Variants in WDR25 observed in about 807,000 individuals in gnomAD.
WDR25 encodes the protein WD repeat domain 25, also known as WD repeat-containing protein 25.
Under a neutral mutation model 47.7 loss-of-function variants are expected in WDR25, and 35 were observed. That is an observed-to-expected ratio of 0.73 (90% CI 0.56 to 0.97). The LOEUF is 0.97. Ranked by LOEUF, WDR25 falls within the 50% of genes least tolerant of loss-of-function variation. The pLI is 0.00. For missense variants in WDR25, 634 were observed against 704.7 expected (o/e 0.90, Z 1.14); for synonymous variants, 248 against 278.9 (o/e 0.89, Z 1.10).
chr14:100,513,605 T>G (rs1402050875), intron 4 of WDR25, among the ~76,000 whole-genome samples: 1 of 152,240 alleles, frequency 6.6e-6, no homozygotes, highest in Non-Finnish European at 1.5e-5. Context: ...TGCATTTATT[T>G]TGAAGTTGTT....
In WDR25 at chr14:100,510,283, AT is replaced by A. The variant is rs930405563; in HGVS notation, c.1102-15585del. Among the ~76,000 whole-genome samples the A allele has an allele frequency of 3.6e-5, 5 of 140,002 alleles. No individual in the cohort carries two copies. In the South Asian group the frequency reaches 9.0e-4, roughly 25 times the overall value. 91.8% of individuals were successfully genotyped at this position (140,002 alleles called of 152,430 possible). On this transcript the variant is annotated intron_variant, in intron 4 of 6. Transcript: ENST00000402312. ...AGACTCCATGTCAAAAAAAAAAAAAATTAATTTTTAGAGACAAGGGTTTCAC... is the reference window on the plus strand; with the variant it reads ...AGACTCCATGTCAAAAAAAAAAAAAATAATTTTTAGAGACAAGGGTTTCAC...
chr14:100,490,133 G>C (rs1900514833), intron 4 of WDR25, among the ~76,000 whole-genome samples: 1 of 152,174 alleles, frequency 6.6e-6, no homozygotes, highest in African/African-American at 2.4e-5. Flanking sequence ...TCACCCTTGG[G>C]CCTGTGTGGG....
At chr14:100,472,821 C>A (rs912944493) in intron 3 of WDR25, among the ~76,000 whole-genome samples, 7 of 152,200 alleles carry the variant, frequency 4.6e-5, no homozygotes, top group Admixed American at 4.6e-4. Flanking sequence ...ATACAGACCC[C>A]CAGCCTGCCC....
At position 100,529,347 on chromosome 14, in the gene WDR25, A is replaced by ATGTGGC; in HGVS notation, c.1413+141_1413+146dup. ...TCTGTTTCCTGGGTGAGCGCATGCC[A>ATGTGGC]TGTGGCTCACTGTCTCTTCAAGTCC... On this transcript the variant is annotated intron_variant, in intron 6 of 6. Coordinates refer to ENST00000402312, the MANE Select transcript of WDR25 (RefSeq NM_001161476.3). This position sits in a 1 kb window ranked among gnomAD's most constrained non-coding sequence, Gnocchi z 5.1. The ATGTGGC allele has an allele frequency of 7.6e-7, 1 of 1,314,250 alleles. No homozygotes were observed. The highest frequency in any genetic ancestry group is 1.0e-6 in the Non-Finnish European group (1 of 958,900). 81.4% of individuals were successfully genotyped at this position (1,314,250 alleles called of 1,614,324 possible).
rs1019717628 is a variant in WDR25, at chr14:100,529,768, C to T, written c.1414-52C>T. 22 of 1,573,356 alleles carry T rather than the reference C, an allele frequency of 1.4e-5. No homozygotes were observed. Among genetic ancestry groups the T allele is most frequent in the Admixed American group, 3.4e-5 (2 of 58,218 alleles). On this transcript the variant is annotated intron_variant, in intron 6 of 6. Coordinates refer to ENST00000402312, the MANE Select transcript of WDR25 (RefSeq NM_001161476.3). This position sits in a 1 kb window ranked among gnomAD's most constrained non-coding sequence, Gnocchi z 5.1. The stretch of plus-strand genomic sequence containing the variant: ...TGCTCCTCTGTAGAATGGGCATACT[C>T]ACCCCGGCTTGACAGGTGCGGCTTG...
At chr14:100,411,243 G>T (rs760448124) in intron 2 of WDR25, among the ~76,000 whole-genome samples, 1 of 152,138 alleles carries the variant, frequency 6.6e-6, no homozygotes, top group Non-Finnish European at 1.5e-5. Flanking sequence ...GCTCTGTGAT[G>T]CTGGGCAAGC....
intron 1 of WDR25, 48 bp from the exon 2 acceptor site, chr14:100,380,862 A>G (rs1457123578): frequency 2.0e-6 from 3 of 1,510,100 alleles, no homozygotes; most frequent in East Asian, 2.3e-5. Context: ...AACTACATAC[A>G]TATTCTTCCA....
At chr14:100,415,668 G>A (rs1416884578) in intron 2 of WDR25, among the ~76,000 whole-genome samples, 1 of 152,204 alleles carries the variant, frequency 6.6e-6, no homozygotes, top group Non-Finnish European at 1.5e-5. Context: ...TCTCTGTAAT[G>A]CATCCCACTG....
intron 4 of WDR25, among the ~76,000 whole-genome samples, chr14:100,486,205 T>C (rs1253866815): frequency 6.6e-6 from 1 of 152,182 alleles, no homozygotes; most frequent in Admixed American, 6.5e-5. Context: ...ACCACGTCCC[T>C]TATGGGTGCG....
chr14:100,460,538 G>A (rs1340501868), intron 2 of WDR25, among the ~76,000 whole-genome samples: 1 of 152,076 alleles, frequency 6.6e-6, no homozygotes, highest in East Asian at 1.9e-4. Flanking sequence ...ATGTAACTCA[G>A]CATTAATGAC....
At chr14:100,437,806 A>G (rs1898547277) in intron 2 of WDR25, among the ~76,000 whole-genome samples, 1 of 152,124 alleles carries the variant, frequency 6.6e-6, no homozygotes. Context: ...AGAAGAGAAG[A>G]CAGGAGCTGG....
intron 2 of WDR25, among the ~76,000 whole-genome samples, chr14:100,413,680 T>C (rs1897781719): frequency 6.6e-6 from 1 of 152,222 alleles, no homozygotes; most frequent in African/African-American, 2.4e-5. Context: ...CCCAAAGTGT[T>C]GGGATTACAG....
intron 2 of WDR25, among the ~76,000 whole-genome samples, chr14:100,383,615 C>T (rs1170970104): frequency 6.6e-6 from 1 of 152,232 alleles, no homozygotes; most frequent in East Asian, 1.9e-4. Context: ...GTGAAGTGCT[C>T]CCTGGGCCCT....
intron 4 of WDR25, among the ~76,000 whole-genome samples, chr14:100,512,562 CTCTT>C (rs1346150690): frequency 5.3e-5 from 8 of 152,056 alleles, no homozygotes; most frequent in African/African-American, 1.2e-4. Flanking sequence ...TTGTCTTTTA[CTCTT>C]TCTTTTCTTT....
At chr14:100,422,938 C>T (rs1032718345) in intron 2 of WDR25, among the ~76,000 whole-genome samples, 16 of 152,054 alleles carry the variant, frequency 1.1e-4, no homozygotes, top group African/African-American at 2.4e-4. Context: ...ATTGAAGTGG[C>T]GAGCGTCCCA....
chr14:100,414,560 G>T (rs535855897), intron 2 of WDR25, among the ~76,000 whole-genome samples: 3 of 151,932 alleles, frequency 2.0e-5, no homozygotes, highest in East Asian at 1.9e-4. Flanking sequence ...TAATCTGCCC[G>T]CCTTGGCCTC....
At chr14:100,438,605 G>T (rs187453881) in intron 2 of WDR25, among the ~76,000 whole-genome samples, 17 of 152,342 alleles carry the variant, frequency 1.1e-4, no homozygotes, top group Non-Finnish European at 1.9e-4. Context: ...GCCAGAGGAG[G>T]TTTTGCCCCA....
At chr14:100,386,880 G>A (rs950662217) in intron 2 of WDR25, among the ~76,000 whole-genome samples, 16 of 152,016 alleles carry the variant, frequency 1.1e-4, no homozygotes, top group South Asian at 8.3e-4. Flanking sequence ...GTGAAAGAGC[G>A]AGACTCCATC....
intron 2 of WDR25, among the ~76,000 whole-genome samples, chr14:100,401,311 C>G (rs530661027): frequency 4.5e-4 from 69 of 152,318 alleles, no homozygotes; most frequent in Admixed American, 7.8e-4. Context: ...ATCTATCCCC[C>G]TTGCACTGCC....
Sources: gnomAD v4.1 joint callset for allele counts (sites outside exome capture counted in the v4.1 genomes callset) on GRCh38, gnomAD v4.1.1 for gene constraint, Gnocchi (gnomAD v3.1) non-coding constraint, MANE v1.5 for transcripts, NCBI Gene and HGNC (gene_info 2026-07-23, HGNC 2026-07-21) for gene names.